ANKRD44: variants seen among roughly 807,000 people sequenced by gnomAD.
ANKRD44 encodes the protein serine/threonine-protein phosphatase 6 regulatory ankyrin repeat subunit B.
Under a neutral mutation model 116.0 loss-of-function variants are expected in ANKRD44, and 35 were observed. The observed-to-expected ratio is 0.30, with a 90% CI of 0.23 to 0.40. The LOEUF (loss-of-function observed/expected upper bound fraction) is 0.40. Ranked by LOEUF, ANKRD44 falls within the 10% of genes least tolerant of loss-of-function variation. The pLI, the probability that ANKRD44 is intolerant of heterozygous loss-of-function variation, is 1.00. For synonymous variants in ANKRD44, 435 were observed against 461.8 expected, an observed-to-expected ratio of 0.94 and a Z score of 0.74; for missense variants, 1,014 against 1,242.6, an observed-to-expected ratio of 0.82 and a Z score of 2.77.
intron 8 of ANKRD44, among the ~76,000 whole-genome samples, chr2:197,113,424 A>C (rs2078635858): frequency 6.6e-6 from 1 of 152,328 alleles, no homozygotes; most frequent in Non-Finnish European, 1.5e-5. Context: ...ATTTCTTTAA[A>C]TTTTGCTCCA....
chr2:197,094,590 T>C (rs906163349), intron 10 of ANKRD44, among the ~76,000 whole-genome samples: 1 of 152,226 alleles, frequency 6.6e-6, no homozygotes, highest in African/African-American at 2.4e-5. Context: ...TATCTTTCTG[T>C]GTGTCTAAAT....
intron 17 of ANKRD44, among the ~76,000 whole-genome samples, chr2:197,018,755 T>C (rs1413290647): frequency 1.3e-5 from 2 of 152,262 alleles, no homozygotes; most frequent in Admixed American, 1.3e-4. Context: ...TGAATGAATA[T>C]AATGACTACT....
chr2:197,114,475 A>T (rs1004698899), intron 8 of ANKRD44, among the ~76,000 whole-genome samples: 3 of 152,244 alleles, frequency 2.0e-5, no homozygotes, highest in Admixed American at 2.0e-4. Context: ...TTCAGGGCAG[A>T]ACTCAGCATT....
intron 15 of ANKRD44, 27 bp downstream of exon 15, chr2:197,081,617 CT>C: frequency 6.2e-7 from 1 of 1,602,596 alleles, no homozygotes; most frequent in Non-Finnish European, 8.5e-7. Flanking sequence ...GAAATGGCAC[CT>C]TGTTCTTAAG....
intron 1 of ANKRD44, among the ~76,000 whole-genome samples, chr2:197,298,015 G>A (rs764714629): frequency 2.6e-5 from 4 of 152,160 alleles, no homozygotes; most frequent in Admixed American, 6.5e-5. Flanking sequence ...TCTGGACTCC[G>A]TTAAGAAGGA....
At chr2:197,052,319 G>A (rs189326880) in intron 16 of ANKRD44, among the ~76,000 whole-genome samples, 13 of 152,256 alleles carry the variant, frequency 8.5e-5, no homozygotes, top group East Asian at 5.8e-4. Context: ...TTTCTTGATC[G>A]ATTTTTAAAA....
intron 4 of ANKRD44, chr2:197,136,236 A>T (rs1284208501): frequency 7.5e-6 from 2 of 267,722 alleles, no homozygotes; most frequent in Non-Finnish European, 1.5e-5. Context: ...AGATCAACTG[A>T]CATCTCTTCT....
At position 196,980,582 on chromosome 2, in the gene ANKRD44, C is replaced by T. The variant is rs552878411; in HGVS notation, c.2368+13001G>A. ...AGTCTTTTGTCCTCTGCAGAAGGCC[C>T]GCTGGGAAGTATTCAATTTTTCATT... On this transcript the variant is annotated intron_variant, in intron 21 of 21. Transcript: ENST00000424317. Among the ~76,000 whole-genome samples, 8 of 152,200 alleles carry T rather than the reference C, an allele frequency of 5.3e-5. No individual in the cohort carries two copies. In the East Asian group the frequency reaches 9.6e-4, roughly 18 times the overall value.
At chr2:196,984,669 G>C (rs889638653), downstream of ANKRD44, among the ~76,000 whole-genome samples, 1 of 152,182 alleles carries the variant, frequency 6.6e-6, no homozygotes, top group African/African-American at 2.4e-5. Flanking sequence ...TACCACAGTG[G>C]AGGCCATTAT....
chr2:197,095,917 TTAATTTGCTAGCGTCAAAAGCC>T (rs1380554071), intron 10 of ANKRD44, among the ~76,000 whole-genome samples: 1 of 152,242 alleles, frequency 6.6e-6, no homozygotes, highest in Non-Finnish European at 1.5e-5. Flanking sequence ...TTTTAAAATA[TTAATTTGCTAGCGTCAAAAGCC>T]TAAGGAGTTC....
At chr2:197,295,940 A>C (rs2083709200) in intron 1 of ANKRD44, among the ~76,000 whole-genome samples, 1 of 152,180 alleles carries the variant, frequency 6.6e-6, no homozygotes, top group Admixed American at 6.5e-5. Context: ...CTGTAGTCCC[A>C]GCTACTCAGG....
chr2:197,076,319 G>C (rs1456118411), intron 16 of ANKRD44, among the ~76,000 whole-genome samples: 1 of 152,156 alleles, frequency 6.6e-6, no homozygotes, highest in Non-Finnish European at 1.5e-5. Flanking sequence ...CAATGTGAAA[G>C]TCTTAGAAAT....
At chr2:197,305,964 G>A (rs7592748) in intron 1 of ANKRD44, among the ~76,000 whole-genome samples, 41,767 of 116,756 alleles carry the variant, frequency 0.36, 7,481 homozygotes, top group East Asian at 0.53. Flanking sequence ...ACCGCAGTTC[G>A]TTTTATATAT....
rs187892038 is a variant in ANKRD44, at chr2:197,226,873, C to T, written c.28-39767G>A. 1.6e-4 allele frequency among the ~76,000 whole-genome samples: 25 copies of T among 152,234 alleles called. No individual in the cohort carries two copies. In the East Asian group the frequency reaches 3.9e-3, roughly 24 times the overall value. ...TCTATTACATTACCTTCTTTCATAA[C>T]TCTATTTCTCCTTCTGAGATTACAT... On this transcript the variant is annotated intron_variant, in intron 1 of 27. Coordinates refer to ENST00000282272, the MANE Select transcript of ANKRD44 (RefSeq NM_001195144.2).
chr2:197,087,146 G>C (rs1179264725), intron 12 of ANKRD44, among the ~76,000 whole-genome samples: 2 of 152,182 alleles, frequency 1.3e-5, no homozygotes, highest in African/African-American at 2.4e-5. Flanking sequence ...CAATGAGCCA[G>C]AGTGGATGGG....
At chr2:197,147,814 G>T in intron 2 of ANKRD44, 1 of 449,044 alleles carries the variant, frequency 2.2e-6, no homozygotes, top group South Asian at 1.6e-5. Flanking sequence ...CAGGAGATGG[G>T]AATAAGAGTG....
At chr2:197,297,710 G>C (rs573829509) in intron 1 of ANKRD44, among the ~76,000 whole-genome samples, 1 of 152,054 alleles carries the variant, frequency 6.6e-6, no homozygotes, top group Non-Finnish European at 1.5e-5. Flanking sequence ...GAAATTGTTC[G>C]GTTAGATGCC....
intron 17 of ANKRD44, among the ~76,000 whole-genome samples, chr2:197,023,106 T>C (rs572647473): frequency 6.6e-6 from 1 of 152,350 alleles, no homozygotes; most frequent in Non-Finnish European, 1.5e-5. Context: ...TGTTATATGA[T>C]GTTAGTAATG....
chr2:197,072,120 G>A (rs576836864), intron 16 of ANKRD44, among the ~76,000 whole-genome samples: 6 of 152,046 alleles, frequency 3.9e-5, no homozygotes, highest in Admixed American at 1.3e-4. Context: ...AAGGAGGAGG[G>A]AGGGTAGGGG....
Sources: gnomAD v4.1 joint callset for allele counts (sites outside exome capture counted in the v4.1 genomes callset) on GRCh38, gnomAD v4.1.1 for gene constraint, MANE v1.5 for transcripts, NCBI Gene and HGNC (gene_info 2026-07-23, HGNC 2026-07-21) for gene names.